The following HOMER1 variants were observed in gnomAD, a reference collection of about 807,000 sequenced individuals.
HOMER1 encodes homer scaffold protein 1.
Under a neutral mutation model 48.9 loss-of-function variants are expected in HOMER1, and 3 were observed. The observed-to-expected ratio is 0.06, with a 90% CI of 0.03 to 0.16. The LOEUF (loss-of-function observed/expected upper bound fraction) is 0.16. Among genes scored for constraint, HOMER1 ranks in the 10% least tolerant of loss-of-function variants. The probability of loss-of-function intolerance (pLI) is 1.00; values close to 1 mark genes in which losing one functional copy is unlikely to be tolerated. For synonymous variants in HOMER1, 134 were observed against 146.4 expected (o/e 0.92, Z 0.61); for missense variants, 247 against 411.4 (o/e 0.60, Z 3.46).
At chr5:79,475,658 A>G (rs1228869632) in intron 1 of HOMER1, among the ~76,000 whole-genome samples, 2 of 152,106 alleles carry the variant, frequency 1.3e-5, no homozygotes, top group Admixed American at 6.5e-5. Flanking sequence ...GGCTAACACT[A>G]TTATTATTTT....
intron 8 of HOMER1, among the ~76,000 whole-genome samples, chr5:79,392,883 G>C (rs1008914285): frequency 1.3e-5 from 2 of 150,494 alleles, no homozygotes; most frequent in Non-Finnish European, 3.0e-5. Context: ...TCTGTGTTTA[G>C]ATGTGCTTAG....
rs533343779 is a variant in HOMER1, at chr5:79,439,205, A to G, written c.388-56T>C. On this transcript the variant is annotated intron_variant, in intron 4 of 8. Transcript: ENST00000334082. ...AGTTACACTTTTGTTAAAGTACACA[A>G]TATCATCTTGAGGTTAAAACTGCCT... 4.8e-4 allele frequency: 752 copies of G among 1,574,268 alleles called. 1 individual carries two copies. Among genetic ancestry groups the G allele is most frequent in the Admixed American group, 1.2e-3 (73 of 59,008 alleles).
Position 79,375,536 on chromosome 5 carries a change from C to G in HOMER1, c.*473G>C, listed in dbSNP as rs1351305024. 1.3e-5 allele frequency: 2 copies of G among 152,110 alleles called. No individual in the cohort carries two copies. The highest frequency in any genetic ancestry group is 2.9e-5 in the Non-Finnish European group (2 of 68,004). The allele number at this position is 152,110 out of a possible 1,614,324, so 9.4% of individuals were successfully genotyped here. A position where few individuals can be genotyped will look rare whatever the true frequency, so the allele number is the denominator to read the frequency against. ...TGCTTCTCAGCAGTGCAAAAATATC[C>G]TGAGAAATTATTCAGATTACAACAA... On this transcript the variant is annotated 3_prime_UTR_variant, in exon 9 of 9. Transcript: ENST00000334082.
chr5:79,500,461 C>G (rs1752545476), intron 1 of HOMER1, among the ~76,000 whole-genome samples: 1 of 152,114 alleles, frequency 6.6e-6, no homozygotes, highest in Non-Finnish European at 1.5e-5. Context: ...TTAGGAAAAT[C>G]ACTGAGGAGA....
chr5:79,383,591 G>C (rs1443309532), intron 8 of HOMER1, among the ~76,000 whole-genome samples: 2 of 151,896 alleles, frequency 1.3e-5, no homozygotes, highest in African/African-American at 4.8e-5. Context: ...TCACCATGTT[G>C]GCCAGGCTGG....
At chr5:79,393,503 C>G (rs757620969) in intron 8 of HOMER1, among the ~76,000 whole-genome samples, 1 of 152,142 alleles carries the variant, frequency 6.6e-6, no homozygotes, top group Non-Finnish European at 1.5e-5. Context: ...AAAAATTGTT[C>G]AATGTTATTC....
intron 1 of HOMER1, among the ~76,000 whole-genome samples, chr5:79,468,687 A>G (rs1195631966): frequency 6.6e-6 from 1 of 152,188 alleles, no homozygotes; most frequent in Non-Finnish European, 1.5e-5. Flanking sequence ...ATGTTCCTGT[A>G]TGTTTTCTTG....
chr5:79,375,439 C>G lies in HOMER1; in HGVS notation c.*570G>C, dbSNP rs1023810687. On this transcript the variant is annotated 3_prime_UTR_variant, in exon 9 of 9. Transcript: ENST00000334082. ...CAAAAAAGGGAAGAACTCTATACAC[C>G]CAGTTATAGTATATTTCAATTAAAG... The G allele has an allele frequency of 1.3e-5, 2 of 151,998 alleles. No homozygotes were observed. The highest frequency in any genetic ancestry group is 3.9e-4 in the East Asian group (2 of 5,172). 9.4% of individuals were successfully genotyped at this position (151,998 alleles called of 1,614,324 possible).
At chr5:79,459,893 G>A (rs966077201) in intron 1 of HOMER1, among the ~76,000 whole-genome samples, 24 of 152,170 alleles carry the variant, frequency 1.6e-4, no homozygotes, top group Admixed American at 2.6e-4. Context: ...GTAAGTTTGA[G>A]TGCCTTTGAA....
chr5:79,494,766 G>C (rs1189369902), intron 1 of HOMER1, among the ~76,000 whole-genome samples: 1 of 152,222 alleles, frequency 6.6e-6, no homozygotes, highest in African/African-American at 2.4e-5. Context: ...CTACTCGGGA[G>C]GCTGAGGCGG....
In HOMER1 at chr5:79,374,379, ACCAT is replaced by A. The variant is rs1251400519; in HGVS notation, c.*1626_*1629del. 1.3e-5 allele frequency: 2 copies of A among 152,366 alleles called. No individual in the cohort carries two copies. The highest frequency in any genetic ancestry group is 4.8e-5 in the African/African-American group (2 of 41,410). 9.4% of individuals were successfully genotyped at this position (152,366 alleles called of 1,614,324 possible). ...CTTAAGAAACTAACTTCAGAAACAA[ACCAT>A]TTATTTTTCACTCTAATGTAAATTA... On this transcript the variant is annotated 3_prime_UTR_variant, in exon 9 of 9. Transcript: ENST00000334082.
chr5:79,456,931 T>G lies in HOMER1; in HGVS notation c.93A>C (p.Ala31=). The change falls in exon 2 of 9, where the codon GCA becomes GCC. Residue 31 remains alanine, a synonymous_variant. Coordinates refer to ENST00000334082, the MANE Select transcript of HOMER1 (RefSeq NM_004272.5). ...KKNWVPTSKH[A]VTVSYFYDST... Reference sequence around the variant, plus strand: ...TGTCATAGAAATAAGACACAGTAACTGCATGCTTGCTGGTGGGTACCCAGT... The same window carrying G: ...TGTCATAGAAATAAGACACAGTAACGGCATGCTTGCTGGTGGGTACCCAGT... The G allele has an allele frequency of 6.2e-7, 1 of 1,613,946 alleles. No homozygotes were observed. The highest frequency in any genetic ancestry group is 8.5e-7 in the Non-Finnish European group (1 of 1,179,816).
intron 3 of HOMER1, among the ~76,000 whole-genome samples, chr5:79,448,713 G>A (rs565974522): frequency 1.3e-5 from 2 of 152,154 alleles, no homozygotes; most frequent in East Asian, 3.9e-4. Flanking sequence ...AAATGCCTTT[G>A]AGCCTCCTAC....
chr5:79,462,981 AAAG>A (rs1173994963), intron 1 of HOMER1, among the ~76,000 whole-genome samples: 2 of 152,234 alleles, frequency 1.3e-5, no homozygotes, highest in African/African-American at 4.8e-5. Context: ...AGGAGATTAT[AAAG>A]AAGGTTATGG....
intron 8 of HOMER1, among the ~76,000 whole-genome samples, chr5:79,376,863 T>C (rs966418861): frequency 6.6e-6 from 1 of 152,152 alleles, no homozygotes; most frequent in African/African-American, 2.4e-5. Flanking sequence ...GGAAATCAAA[T>C]GTTCATGACA....
At chr5:79,421,199 G>A (rs1426454878) in intron 5 of HOMER1, among the ~76,000 whole-genome samples, 1 of 152,182 alleles carries the variant, frequency 6.6e-6, no homozygotes, top group Admixed American at 6.5e-5. Flanking sequence ...TATGTTACAA[G>A]TTTCAACTTT....
Position 79,490,775 on chromosome 5 carries a change from AAAAAAC to A in HOMER1, c.5+21989_5+21994del, listed in dbSNP as rs1357190706. Among the ~76,000 whole-genome samples, 30 of 146,716 alleles carry A rather than the reference AAAAAAC, an allele frequency of 2.0e-4. 1 individual carries two copies. Among genetic ancestry groups the A allele is most frequent in the African/African-American group, 7.4e-4 (29 of 39,354 alleles). ...AGCAAGACCCCATCTCTACCAAAAA[AAAAAAC>A]AAAAAAAAAAACCATAAAAAAATTA... is the stretch of plus-strand genomic sequence containing the variant. On this transcript the variant is annotated intron_variant, in intron 1 of 8. Coordinates refer to ENST00000334082, the MANE Select transcript of HOMER1 (RefSeq NM_004272.5).
At chr5:79,379,077 TCC>T (rs1748854298) in intron 8 of HOMER1, among the ~76,000 whole-genome samples, 1 of 40,714 alleles carries the variant, frequency 2.5e-5, no homozygotes, top group Non-Finnish European at 3.9e-5. Flanking sequence ...CTACCTTTTG[TCC>T]ATATATATAT....
At chr5:79,498,809 T>C (rs1400072770) in intron 1 of HOMER1, among the ~76,000 whole-genome samples, 10 of 151,778 alleles carry the variant, frequency 6.6e-5, no homozygotes, top group South Asian at 2.1e-4. Flanking sequence ...TATGCTACAA[T>C]TGGTCCTTCT....
Sources: gnomAD v4.1 joint callset for allele counts (sites outside exome capture counted in the v4.1 genomes callset) on GRCh38, gnomAD v4.1.1 for gene constraint, MANE v1.5 for transcripts, NCBI Gene and HGNC (gene_info 2026-07-23, HGNC 2026-07-21) for gene names.